The following PDSS2 variants were observed in gnomAD, a reference collection of about 807,000 sequenced individuals.
PDSS2 encodes decaprenyl diphosphate synthase subunit 2, also known as all trans-polyprenyl-diphosphate synthase PDSS2.
A neutral mutation model predicts 44.5 loss-of-function variants in PDSS2; 31 were observed. The ratio of observed to expected loss-of-function variants is 0.70; its 90% CI spans 0.52 to 0.94. The LOEUF (loss-of-function observed/expected upper bound fraction) is 0.94, where lower values mean the gene tolerates loss of function less well. Among genes scored for constraint, PDSS2 ranks in the 40% least tolerant of loss-of-function variants. The probability of loss-of-function intolerance (pLI) is 0.00; values close to 1 mark genes in which losing one functional copy is unlikely to be tolerated. For synonymous variants in PDSS2, 157 were observed against 180.3 expected (o/e 0.87, Z 1.03); for missense variants, 452 against 482.2 (o/e 0.94, Z 0.59).
At chr6:107,177,818 C>A (rs1359920246) in intron 7 of PDSS2, among the ~76,000 whole-genome samples, 2 of 152,022 alleles carry the variant, frequency 1.3e-5, no homozygotes, top group East Asian at 3.9e-4. Context: ...AGGAGTGAAT[C>A]AATAAATAGT....
chr6:107,234,367 G>A (rs977324909), intron 4 of PDSS2, among the ~76,000 whole-genome samples: 2 of 151,832 alleles, frequency 1.3e-5, no homozygotes, highest in East Asian at 1.9e-4. Context: ...CACTATGCCC[G>A]GCTAATTTTG....
Position 107,382,389 on chromosome 6 carries a change from C to T in PDSS2, c.297-48057G>A, listed in dbSNP as rs116978482. On this transcript the variant is annotated intron_variant, in intron 1 of 7. Coordinates refer to ENST00000369037, the MANE Select transcript of PDSS2 (RefSeq NM_020381.4). ...AAGAGCAAGAATTAAACACTGGTGACCAAAAGGATATGGGCAATGGGGAAA... is the reference window on the plus strand; with the variant it reads ...AAGAGCAAGAATTAAACACTGGTGATCAAAAGGATATGGGCAATGGGGAAA... Among the ~76,000 whole-genome samples the T allele has an allele frequency of 8.2e-3, 1,253 of 152,050 alleles. 12 individuals are homozygous for T. The highest frequency in any genetic ancestry group is 0.021 in the South Asian group (102 of 4,810).
At chr6:107,375,883 GAAGAAATTTGTATA>G (rs1453930608) in intron 1 of PDSS2, among the ~76,000 whole-genome samples, 10 of 152,300 alleles carry the variant, frequency 6.6e-5, no homozygotes, top group African/African-American at 1.9e-4. Flanking sequence ...ACATTTGTAT[GAAGAAATTTGTATA>G]AAGAAAAATC....
At chr6:107,164,004 A>T (rs1269261577) in intron 7 of PDSS2, among the ~76,000 whole-genome samples, 3 of 152,142 alleles carry the variant, frequency 2.0e-5, no homozygotes, top group Non-Finnish European at 2.9e-5. Context: ...TAAAATGCAG[A>T]TGCCTAGGCC....
intron 1 of PDSS2, among the ~76,000 whole-genome samples, chr6:107,344,854 AAAC>A (rs1205926572): frequency 6.6e-6 from 1 of 152,184 alleles, no homozygotes; most frequent in African/African-American, 2.4e-5. Flanking sequence ...ACCACTGGAA[AAAC>A]AACAACAAAG....
intron 3 of PDSS2, among the ~76,000 whole-genome samples, chr6:107,261,713 G>A (rs1478766763): frequency 1.3e-5 from 2 of 151,380 alleles, no homozygotes; most frequent in Admixed American, 1.3e-4. Flanking sequence ...GAGTAGCTGG[G>A]ATTATAGGTG....
intron 1 of PDSS2, among the ~76,000 whole-genome samples, chr6:107,457,738 T>C (rs1034274807): frequency 2.0e-5 from 3 of 152,232 alleles, no homozygotes; most frequent in Non-Finnish European, 4.4e-5. Flanking sequence ...TACTTGATCC[T>C]GGACTGAATC....
intron 7 of PDSS2, among the ~76,000 whole-genome samples, chr6:107,185,207 T>C (rs1387372113): frequency 6.7e-6 from 1 of 150,154 alleles, no homozygotes; most frequent in Non-Finnish European, 1.5e-5. Flanking sequence ...GAGATAAATA[T>C]AATGCAAGCT....
intron 7 of PDSS2, among the ~76,000 whole-genome samples, chr6:107,177,384 G>A (rs1481713056): frequency 1.2e-4 from 18 of 152,122 alleles, no homozygotes; most frequent in Non-Finnish European, 1.9e-4. Context: ...TGATCCGCCC[G>A]CCTTGGCTTC....
intron 1 of PDSS2, among the ~76,000 whole-genome samples, chr6:107,379,643 C>T (rs1779396031): frequency 6.6e-6 from 1 of 152,226 alleles, no homozygotes. Context: ...GTGTGTTCTT[C>T]CTCATGTTTA....
intron 4 of PDSS2, among the ~76,000 whole-genome samples, chr6:107,225,839 G>A (rs1006849788): frequency 6.6e-6 from 1 of 152,012 alleles, no homozygotes; most frequent in African/African-American, 2.4e-5. Flanking sequence ...TTAGCCATTT[G>A]TTCTTCCTCA....
chr6:107,156,023 G>A (rs1343614565), intron 7 of PDSS2, among the ~76,000 whole-genome samples: 1 of 150,382 alleles, frequency 6.6e-6, no homozygotes, highest in Non-Finnish European at 1.5e-5. Flanking sequence ...CTGAGTAGCT[G>A]GGATTACAGG....
intron 1 of PDSS2, among the ~76,000 whole-genome samples, chr6:107,414,659 C>T (rs1780604542): frequency 6.6e-6 from 1 of 152,314 alleles, no homozygotes; most frequent in South Asian, 2.1e-4. Context: ...ATTCAAAATC[C>T]TAATTGTGGT....
intron 4 of PDSS2, among the ~76,000 whole-genome samples, chr6:107,228,203 C>T (rs1456265157): frequency 6.6e-6 from 1 of 152,136 alleles, no homozygotes; most frequent in Non-Finnish European, 1.5e-5. Flanking sequence ...TAGATCCACT[C>T]TAAATTTGAG....
At chr6:107,383,658 AC>A (rs1779521468) in intron 1 of PDSS2, among the ~76,000 whole-genome samples, 1 of 152,172 alleles carries the variant, frequency 6.6e-6, no homozygotes, top group Non-Finnish European at 1.5e-5. Context: ...GCAAAGATAT[AC>A]AAATGGGCAA....
At chr6:107,336,439 T>A (rs1041785537) in intron 1 of PDSS2, among the ~76,000 whole-genome samples, 1 of 152,088 alleles carries the variant, frequency 6.6e-6, no homozygotes, top group Non-Finnish European at 1.5e-5. Flanking sequence ...GCAATCTTCA[T>A]CAAGATAAAA....
At chr6:107,241,923 G>A (rs144596873) in intron 4 of PDSS2, among the ~76,000 whole-genome samples, 2 of 152,276 alleles carry the variant, frequency 1.3e-5, no homozygotes, top group Admixed American at 1.3e-4. Flanking sequence ...TACGGAGGTT[G>A]TGCAACAGAG....
chr6:107,287,008 C>T (rs1222028320), intron 2 of PDSS2, among the ~76,000 whole-genome samples: 1 of 152,028 alleles, frequency 6.6e-6, no homozygotes, highest in African/African-American at 2.4e-5. Flanking sequence ...CCACTGCACT[C>T]CAGCCTGGTG....
At chr6:107,234,793 C>G (rs1369294901) in intron 4 of PDSS2, among the ~76,000 whole-genome samples, 1 of 152,084 alleles carries the variant, frequency 6.6e-6, no homozygotes, top group Non-Finnish European at 1.5e-5. Flanking sequence ...AATAGACACA[C>G]TAAACATGCA....
Sources: allele counts gnomAD v4.1 joint callset (sites outside exome capture counted in the v4.1 genomes callset), GRCh38; gene constraint gnomAD v4.1.1; transcripts MANE v1.5; gene names NCBI Gene and HGNC (gene_info 2026-07-23, HGNC 2026-07-21).